Variants in SGCZ observed in about 807,000 individuals in gnomAD.
The protein encoded by SGCZ is sarcoglycan zeta.
A neutral mutation model predicts 41.3 loss-of-function variants in SGCZ; 40 were observed. The ratio of observed to expected loss-of-function variants is 0.97; its 90% confidence interval spans 0.75 to 1.26. The LOEUF is 1.26. SGCZ is among the 50% of genes most tolerant of loss of function. The pLI is 0.00. For synonymous variants in SGCZ, 206 were observed against 137.5 expected, an observed-to-expected ratio of 1.50 and a Z score of -3.49; for missense variants, 552 against 369.8, an observed-to-expected ratio of 1.49 and a Z score of -4.04.
intron 3 of SGCZ, among the ~76,000 whole-genome samples, chr8:14,244,852 G>A (rs1262862050): frequency 2.0e-5 from 3 of 152,202 alleles, no homozygotes; most frequent in South Asian, 4.1e-4. Context: ...TCTCTTTGAA[G>A]CAATTGTGAA....
chr8:14,632,384 A>G (rs757446814), intron 1 of SGCZ, among the ~76,000 whole-genome samples: 55 of 152,064 alleles, frequency 3.6e-4, no homozygotes, highest in Non-Finnish European at 1.2e-4. Context: ...ATGAATCAGA[A>G]AATGTATAGA....
At chr8:15,229,061 G>A (rs1015852285) in intron 1 of SGCZ, among the ~76,000 whole-genome samples, 4 of 152,052 alleles carry the variant, frequency 2.6e-5, no homozygotes, top group South Asian at 4.1e-4. Flanking sequence ...GCGTGATGGC[G>A]GGTGCCTGTA....
At chr8:14,285,873 A>G (rs1298555453) in intron 3 of SGCZ, among the ~76,000 whole-genome samples, 1 of 152,130 alleles carries the variant, frequency 6.6e-6, no homozygotes, top group East Asian at 1.9e-4. Flanking sequence ...TGAAATTCCT[A>G]CCATTGCTGA....
intron 2 of SGCZ, among the ~76,000 whole-genome samples, chr8:14,414,813 T>A (rs1285033701): frequency 6.6e-6 from 1 of 152,028 alleles, no homozygotes; most frequent in East Asian, 1.9e-4. Context: ...ATTTGAAACA[T>A]TTAATAACAA....
chr8:14,118,349 T>C (rs557923694), intron 5 of SGCZ, among the ~76,000 whole-genome samples: 1 of 152,360 alleles, frequency 6.6e-6, no homozygotes, highest in Non-Finnish European at 1.5e-5. Flanking sequence ...TCATAATTGT[T>C]GGCCACATAA....
At chr8:15,182,448 A>G (rs746617666) in intron 1 of SGCZ, among the ~76,000 whole-genome samples, 1 of 152,234 alleles carries the variant, frequency 6.6e-6, no homozygotes, top group African/African-American at 2.4e-5. Context: ...GGTACAGCCT[A>G]TTACTCCTAG....
intron 1 of SGCZ, among the ~76,000 whole-genome samples, chr8:14,913,640 C>T (rs1799341809): frequency 1.3e-5 from 2 of 152,034 alleles, no homozygotes; most frequent in South Asian, 4.1e-4. Context: ...ATTTAATTTT[C>T]ATGATCCTTA....
At chr8:15,092,290 T>G (rs937989547) in intron 1 of SGCZ, among the ~76,000 whole-genome samples, 8 of 152,230 alleles carry the variant, frequency 5.3e-5, no homozygotes, top group African/African-American at 1.9e-4. Context: ...GCCAGAATTC[T>G]AGAATCAGTA....
intron 1 of SGCZ, among the ~76,000 whole-genome samples, chr8:14,580,609 G>A (rs182228736): frequency 2.6e-4 from 39 of 152,218 alleles, no homozygotes; most frequent in African/African-American, 7.9e-4. Context: ...AATACAACTG[G>A]ACTTTTTATA....
chr8:15,026,693 CTG>C (rs936746522), intron 1 of SGCZ, among the ~76,000 whole-genome samples: 1 of 152,146 alleles, frequency 6.6e-6, no homozygotes, highest in African/African-American at 2.4e-5. Context: ...TTCTGGAACT[CTG>C]TGTGTGCTTC....
At chr8:14,331,726 A>AGTTG (rs1491367873) in intron 2 of SGCZ, among the ~76,000 whole-genome samples, 5 of 151,946 alleles carry the variant, frequency 3.3e-5, no homozygotes, top group Non-Finnish European at 7.4e-5. Context: ...ATGTACCTTC[A>AGTTG]GTTGTCAGGG....
intron 1 of SGCZ, among the ~76,000 whole-genome samples, chr8:14,910,882 T>G (rs965522395): frequency 6.6e-6 from 1 of 151,982 alleles, no homozygotes; most frequent in African/African-American, 2.4e-5. Context: ...GAATACATCC[T>G]AGAAGATATA....
intron 1 of SGCZ, among the ~76,000 whole-genome samples, chr8:15,212,331 G>A (rs949011679): frequency 3.3e-5 from 5 of 152,090 alleles, no homozygotes; most frequent in African/African-American, 1.2e-4. Flanking sequence ...TCCTTTTGAA[G>A]CCACACACTG....
At chr8:14,543,879 A>T (rs1803543865) in intron 2 of SGCZ, among the ~76,000 whole-genome samples, 1 of 152,122 alleles carries the variant, frequency 6.6e-6, no homozygotes, top group African/African-American at 2.4e-5. Flanking sequence ...TGTGTGCCTG[A>T]TTTGATTACA....
At chr8:14,905,716 G>C (rs935533877) in intron 1 of SGCZ, among the ~76,000 whole-genome samples, 2 of 151,906 alleles carry the variant, frequency 1.3e-5, no homozygotes, top group Non-Finnish European at 2.9e-5. Flanking sequence ...ATATACATAG[G>C]TAAAGATGTC....
chr8:14,513,681 T>C (rs1350874), intron 2 of SGCZ, among the ~76,000 whole-genome samples: 122,894 of 151,878 alleles, frequency 0.81, 50,322 homozygotes, highest in African/African-American at 0.95. Context: ...TAATAGGAAA[T>C]AAATATTACC....
intron 1 of SGCZ, among the ~76,000 whole-genome samples, chr8:15,225,686 T>A (rs554436764): frequency 1.3e-5 from 2 of 152,224 alleles, no homozygotes; most frequent in South Asian, 4.1e-4. Flanking sequence ...ATTTTATTCA[T>A]AAAGGGAAAT....
chr8:14,514,783 A>ATGTGTG (rs200862544), intron 2 of SGCZ, among the ~76,000 whole-genome samples: 153 of 100,386 alleles, frequency 1.5e-3, no homozygotes, highest in African/African-American at 4.8e-3. Flanking sequence ...ATATATGTAA[A>ATGTGTG]TGTGTGTGTG....
chr8:14,671,332 A>G (rs1264071586), intron 1 of SGCZ, among the ~76,000 whole-genome samples: 3 of 152,192 alleles, frequency 2.0e-5, no homozygotes, highest in Non-Finnish European at 4.4e-5. Flanking sequence ...TAAGTTATTT[A>G]AAGGAGTTTC....
Sources: gnomAD v4.1 joint callset for allele counts (sites outside exome capture counted in the v4.1 genomes callset) on GRCh38, gnomAD v4.1.1 for gene constraint, MANE v1.5 for transcripts, NCBI Gene and HGNC (gene_info 2026-07-23, HGNC 2026-07-21) for gene names.